Variants in SEMA3E observed in about 807,000 individuals in gnomAD.
SEMA3E encodes semaphorin-3E.
Under a neutral mutation model 93.6 loss-of-function variants are expected in SEMA3E, and 49 were observed. The observed-to-expected ratio is 0.52, with a 90% CI of 0.42 to 0.66. The LOEUF (loss-of-function observed/expected upper bound fraction) is 0.66, where lower values mean the gene tolerates loss of function less well. Ranked by LOEUF, SEMA3E falls within the 30% of genes least tolerant of loss-of-function variation. The pLI, the probability that SEMA3E is intolerant of heterozygous loss-of-function variation, is 0.00. For synonymous variants in SEMA3E, 363 were observed against 330.7 expected (o/e 1.10, Z -1.06); for missense variants, 906 against 964.8 (o/e 0.94, Z 0.81).
At chr7:83,369,279 T>C (rs1317041940) in intron 16 of SEMA3E, among the ~76,000 whole-genome samples, 1 of 152,190 alleles carries the variant, frequency 6.6e-6, no homozygotes, top group African/African-American at 2.4e-5. Context: ...TTTTTGTCCC[T>C]GTGATAGGTC....
At chr7:83,437,963 A>C (rs2713166) in intron 4 of SEMA3E, among the ~76,000 whole-genome samples, 110,073 of 152,042 alleles carry the variant, frequency 0.72, 40,863 homozygotes, top group East Asian at 1. Flanking sequence ...CTAAACAAGC[A>C]TAAGAATATA....
At chr7:83,575,648 T>C (rs215289) in intron 1 of SEMA3E, among the ~76,000 whole-genome samples, 65,003 of 151,968 alleles carry the variant, frequency 0.43, 15,005 homozygotes, top group African/African-American at 0.61. Flanking sequence ...CAGATCTGCT[T>C]TCACTGGTCA....
intron 1 of SEMA3E, among the ~76,000 whole-genome samples, chr7:83,626,077 G>A (rs951114480): frequency 6.6e-6 from 1 of 152,112 alleles, no homozygotes; most frequent in African/African-American, 2.4e-5. Flanking sequence ...TGGTGTATAA[G>A]CTTTTTAATG....
At chr7:83,456,929 GATTAA>G (rs1257497000) in intron 4 of SEMA3E, among the ~76,000 whole-genome samples, 5 of 152,032 alleles carry the variant, frequency 3.3e-5, no homozygotes, top group Admixed American at 6.6e-5. Flanking sequence ...TCTATTTCTT[GATTAA>G]ATTAATGATA....
intron 4 of SEMA3E, among the ~76,000 whole-genome samples, chr7:83,426,504 GAAC>G (rs911055409): frequency 2.6e-5 from 4 of 151,988 alleles, no homozygotes; most frequent in African/African-American, 9.7e-5. Flanking sequence ...CTCACTTATA[GAAC>G]AATAGACATT....
At chr7:83,507,448 G>C (rs566855196) in intron 1 of SEMA3E, among the ~76,000 whole-genome samples, 1 of 149,460 alleles carries the variant, frequency 6.7e-6, no homozygotes, top group Admixed American at 6.7e-5. Flanking sequence ...GTGTGTGTGT[G>C]TGTGTGTGTG....
chr7:83,541,054 C>T (rs973258821), intron 1 of SEMA3E, among the ~76,000 whole-genome samples: 30 of 152,168 alleles, frequency 2.0e-4, no homozygotes, highest in African/African-American at 7.0e-4. Flanking sequence ...CTTTCAGATG[C>T]ACACACCCTT....
intron 1 of SEMA3E, 138 bp downstream of exon 1, chr7:83,648,290 T>G: frequency 1.5e-6 from 1 of 661,756 alleles, no homozygotes; most frequent in Admixed American, 2.7e-5. Flanking sequence ...TTAGGTCAGT[T>G]TTGCAATAAA....
At chr7:83,538,652 G>C (rs1239090452) in intron 1 of SEMA3E, among the ~76,000 whole-genome samples, 2 of 152,118 alleles carry the variant, frequency 1.3e-5, no homozygotes, top group Non-Finnish European at 2.9e-5. Flanking sequence ...AATTTTGATA[G>C]CTGAAACATA....
chr7:83,576,736 G>T (rs215293), intron 1 of SEMA3E, among the ~76,000 whole-genome samples: 38,377 of 151,784 alleles, frequency 0.25, 4,916 homozygotes, highest in Middle Eastern at 0.29. Flanking sequence ...AGCGATTCTC[G>T]TGCCTCAGCC....
In SEMA3E at chr7:83,585,777, C is replaced by T. The variant is rs78738704; in HGVS notation, c.115+62651G>A. Among the ~76,000 whole-genome samples the T allele has an allele frequency of 8.5e-3, 1,290 of 152,226 alleles. 12 individuals are homozygous for T. The highest frequency in any genetic ancestry group is 0.03 in the African/African-American group (1,242 of 41,532). On this transcript the variant is annotated intron_variant, in intron 1 of 16. Transcript: ENST00000643230. ...CTTTGGGAAACAAATTGAGCTTTTC[C>T]TATTAAGCCCTGAGTGGTGAGAATA...
intron 1 of SEMA3E, among the ~76,000 whole-genome samples, chr7:83,625,704 T>C (rs182607117): frequency 3.7e-3 from 570 of 152,104 alleles, no homozygotes; most frequent in Non-Finnish European, 5.6e-3. Context: ...TATTTCTTTC[T>C]CTGGCATGAT....
In SEMA3E at chr7:83,446,193, C is replaced by T. The variant is rs78093918; in HGVS notation, c.456+20289G>A. On this transcript the variant is annotated intron_variant, in intron 4 of 16. Transcript: ENST00000643230. The stretch of plus-strand genomic sequence containing the variant: ...GTTAGTCCTAAAGCCTGTATTCTTT[C>T]CACTACATTAATCTATTCCCATCCA... Among the ~76,000 whole-genome samples the T allele has an allele frequency of 7.3e-3, 1,119 of 152,268 alleles. 6 individuals are homozygous for T. The highest frequency in any genetic ancestry group is 0.012 in the Non-Finnish European group (793 of 68,010).
rs142237329 is a variant in SEMA3E, at chr7:83,414,641, G to A, written c.550+3749C>T. Among the ~76,000 whole-genome samples, 629 of 152,138 alleles carry A rather than the reference G, an allele frequency of 4.1e-3. 7 individuals are homozygous for A. The highest frequency in any genetic ancestry group is 0.014 in the African/African-American group (590 of 41,528). On this transcript the variant is annotated intron_variant, in intron 5 of 16. Coordinates refer to ENST00000643230, the MANE Select transcript of SEMA3E (RefSeq NM_012431.3). ...ATTATTTGTTAAAATAAAATTCATG[G>A]ACTATAAAATATCTTATTAGTGATT...
Position 83,396,629 on chromosome 7 carries a change from T to C in SEMA3E, c.1458+9A>G. ...CATAAATTTGGTCTGTATTTTTTGC[T>C]TTAAATACCTTGAATATCTGAAGTT... On this transcript the variant is annotated intron_variant, in intron 12 of 16. Coordinates refer to ENST00000643230, the MANE Select transcript of SEMA3E (RefSeq NM_012431.3). 6.4e-7 allele frequency: 1 copy of C among 1,567,540 alleles called. No homozygotes were observed. Among genetic ancestry groups the C allele is most frequent in the Non-Finnish European group, 8.8e-7 (1 of 1,139,580 alleles).
At chr7:83,574,913 G>T (rs1355612082) in intron 1 of SEMA3E, among the ~76,000 whole-genome samples, 1 of 152,174 alleles carries the variant, frequency 6.6e-6, no homozygotes, top group Non-Finnish European at 1.5e-5. Context: ...GAACTAAAGT[G>T]ACTGAGGTGT....
At chr7:83,573,667 C>G (rs987694503) in intron 1 of SEMA3E, among the ~76,000 whole-genome samples, 1 of 151,966 alleles carries the variant, frequency 6.6e-6, no homozygotes, top group African/African-American at 2.4e-5. Context: ...TTTCAGATTA[C>G]TTAATATCTA....
intron 1 of SEMA3E, among the ~76,000 whole-genome samples, chr7:83,516,127 T>C (rs1790922559): frequency 1.3e-5 from 2 of 152,208 alleles, no homozygotes; most frequent in Non-Finnish European, 2.9e-5. Flanking sequence ...TTGACATTTT[T>C]GTATAGCATC....
chr7:83,447,272 C>T (rs1789251372), intron 4 of SEMA3E, among the ~76,000 whole-genome samples: 1 of 152,154 alleles, frequency 6.6e-6, no homozygotes, highest in South Asian at 2.1e-4. Flanking sequence ...ACTGGTGGCT[C>T]ACGCCTGTAA....
Sources: gnomAD v4.1 joint callset for allele counts (sites outside exome capture counted in the v4.1 genomes callset) on GRCh38, gnomAD v4.1.1 for gene constraint, MANE v1.5 for transcripts, NCBI Gene and HGNC (gene_info 2026-07-23, HGNC 2026-07-21) for gene names.